Variants in CDH4 observed in about 807,000 individuals in gnomAD.
The protein encoded by CDH4 is cadherin 4, also known as cadherin-4.
CDH4 carries 33 observed loss-of-function variants against 86.0 expected under a neutral mutation model. That is an observed-to-expected ratio of 0.38 (90% confidence interval 0.29 to 0.51). The LOEUF (loss-of-function observed/expected upper bound fraction) is 0.51, where lower values mean the gene tolerates loss of function less well. CDH4 is among the 20% of genes least tolerant of loss of function. The pLI is 0.86. For synonymous variants in CDH4, 555 were observed against 549.4 expected, an observed-to-expected ratio of 1.01 and a Z score of -0.14; for missense variants, 1,114 against 1,307.4, an observed-to-expected ratio of 0.85 and a Z score of 2.28.
At chr20:61,758,497 G>T (rs1263318141) in intron 3 of CDH4, among the ~76,000 whole-genome samples, 5 of 152,172 alleles carry the variant, frequency 3.3e-5, no homozygotes, top group Non-Finnish European at 7.3e-5. Context: ...TTGCCACGAG[G>T]AGTTAGGGGC....
At chr20:61,519,087 T>A (rs1432988852) in intron 2 of CDH4, among the ~76,000 whole-genome samples, 1 of 152,164 alleles carries the variant, frequency 6.6e-6, no homozygotes, top group Non-Finnish European at 1.5e-5. Context: ...CCATCACCCC[T>A]CCAGTGGCCA....
chr20:61,414,246 A>G (rs567117511), intron 2 of CDH4, among the ~76,000 whole-genome samples: 80 of 152,360 alleles, frequency 5.3e-4, no homozygotes, highest in African/African-American at 1.8e-3. Flanking sequence ...TGGGTTTCCC[A>G]GCGTGAATGA....
chr20:61,265,266 C>G (rs2084151520), intron 2 of CDH4, among the ~76,000 whole-genome samples: 1 of 151,634 alleles, frequency 6.6e-6, no homozygotes, highest in South Asian at 2.1e-4. Context: ...CTCCTTCATT[C>G]AGTCCTACAC....
intron 7 of CDH4, among the ~76,000 whole-genome samples, chr20:61,874,742 C>A (rs1303644652): frequency 1.3e-5 from 2 of 152,234 alleles, no homozygotes; most frequent in Non-Finnish European, 2.9e-5. Flanking sequence ...GTCTCGCTGT[C>A]TGGTCTCCTG....
At chr20:61,861,978 G>A (rs1432252939) in intron 6 of CDH4, among the ~76,000 whole-genome samples, 3 of 152,208 alleles carry the variant, frequency 2.0e-5, no homozygotes, top group African/African-American at 7.2e-5. Flanking sequence ...CCTGGGGAAA[G>A]GCAGGGAAGC....
At chr20:61,791,528 G>C (rs1407680046) in intron 4 of CDH4, among the ~76,000 whole-genome samples, 1 of 152,248 alleles carries the variant, frequency 6.6e-6, no homozygotes, top group Non-Finnish European at 1.5e-5. Flanking sequence ...GAGGTCCGCA[G>C]TGGGCCACTC....
intron 2 of CDH4, among the ~76,000 whole-genome samples, chr20:61,693,758 A>C (rs1236316132): frequency 6.6e-6 from 1 of 152,184 alleles, no homozygotes; most frequent in Non-Finnish European, 1.5e-5. Flanking sequence ...GCATGCATGG[A>C]ATCGAACAAT....
intron 2 of CDH4, among the ~76,000 whole-genome samples, chr20:61,701,692 C>T (rs2087778266): frequency 6.6e-6 from 1 of 152,246 alleles, no homozygotes; most frequent in Admixed American, 6.5e-5. Context: ...AGGCCTCCAG[C>T]GCTGGTAGCT....
At chr20:61,724,439 A>C (rs2088086243) in intron 2 of CDH4, among the ~76,000 whole-genome samples, 1 of 152,326 alleles carries the variant, frequency 6.6e-6, no homozygotes, top group Non-Finnish European at 1.5e-5. Context: ...CAGTGGGCTC[A>C]GTGAGAAAGC....
At chr20:61,384,607 GTCTC>G (rs918518614) in intron 2 of CDH4, among the ~76,000 whole-genome samples, 2 of 152,026 alleles carry the variant, frequency 1.3e-5, no homozygotes, top group Non-Finnish European at 2.9e-5. Flanking sequence ...TAATCCCTTA[GTCTC>G]TCTCTACCAC....
chr20:61,852,966 G>A lies in CDH4; in HGVS notation c.877+68G>A, dbSNP rs2146113893. ...TGCGGGTGCAGCACAGGCCCTGAGG[G>A]CAGGGGAGGGCTGCTTAGTCCCCGC... On this transcript the variant is annotated intron_variant, in intron 6 of 15. Transcript: ENST00000614565. 3 of 1,512,254 alleles carry A rather than the reference G, an allele frequency of 2.0e-6. No individual in the cohort carries two copies. In the South Asian group the frequency reaches 3.7e-5, roughly 19 times the overall value. 93.7% of individuals were successfully genotyped at this position (1,512,254 alleles called of 1,614,324 possible).
chr20:61,753,915 A>G (rs1442222056), intron 3 of CDH4, among the ~76,000 whole-genome samples: 4 of 152,050 alleles, frequency 2.6e-5, no homozygotes, highest in Non-Finnish European at 5.9e-5. Context: ...CTTAACTTGG[A>G]AATAGGGGGT....
At chr20:61,379,084 G>C (rs2084886615) in intron 2 of CDH4, among the ~76,000 whole-genome samples, 1 of 152,166 alleles carries the variant, frequency 6.6e-6, no homozygotes, top group Admixed American at 6.5e-5. Flanking sequence ...TGCCGGGTAG[G>C]GGGTTGGGAA....
intron 2 of CDH4, among the ~76,000 whole-genome samples, chr20:61,671,837 G>A (rs560599364): frequency 6.6e-6 from 1 of 151,078 alleles, no homozygotes; most frequent in African/African-American, 2.4e-5. Context: ...TTGGATGGAT[G>A]CATGGGTGGA....
At chr20:61,478,806 G>C (rs1488405136) in intron 2 of CDH4, among the ~76,000 whole-genome samples, 3 of 152,212 alleles carry the variant, frequency 2.0e-5, no homozygotes. Flanking sequence ...AGCGTTTCTG[G>C]TGCTGGCCAT....
Position 61,695,933 on chromosome 20 carries a change from C to T in CDH4, c.170-47630C>T, listed in dbSNP as rs569455816. Reference sequence around the variant, plus strand: ...GTCTCCAGGCCCGGCCTCACCCACCCGCTGCCAGGCCTCAGGCACCCGACC... The same window carrying T: ...GTCTCCAGGCCCGGCCTCACCCACCTGCTGCCAGGCCTCAGGCACCCGACC... On this transcript the variant is annotated intron_variant, in intron 2 of 15. Coordinates refer to ENST00000614565, the MANE Select transcript of CDH4 (RefSeq NM_001794.5). Among the ~76,000 whole-genome samples the T allele has an allele frequency of 8.5e-5, 13 of 152,300 alleles. No individual in the cohort carries two copies. The East Asian group carries it at 1.7e-3, about 20-fold the overall frequency.
chr20:61,884,052 CGCTGCCTGGAACTGGGAA>C (rs972126274), intron 7 of CDH4, among the ~76,000 whole-genome samples: 1 of 150,600 alleles, frequency 6.6e-6, no homozygotes, highest in African/African-American at 2.4e-5. Flanking sequence ...AACTGGGACT[CGCTGCCTGGAACTGGGAA>C]ATGCTGGTGT....
chr20:61,744,949 G>A (rs2026164), intron 3 of CDH4, among the ~76,000 whole-genome samples: 23,683 of 152,208 alleles, frequency 0.16, 2,006 homozygotes, highest in East Asian at 0.26. Context: ...GGCGGCCTGT[G>A]GGAGAGCACT....
intron 4 of CDH4, among the ~76,000 whole-genome samples, chr20:61,825,887 A>G (rs1981287509): frequency 6.6e-6 from 1 of 152,128 alleles, no homozygotes; most frequent in Non-Finnish European, 1.5e-5. Flanking sequence ...AGGACCTTGG[A>G]GCTCTGCTTG....
Sources: gnomAD v4.1 joint callset for allele counts (sites outside exome capture counted in the v4.1 genomes callset) on GRCh38, gnomAD v4.1.1 for gene constraint, MANE v1.5 for transcripts, NCBI Gene and HGNC (gene_info 2026-07-23, HGNC 2026-07-21) for gene names.